The following MTHFD1L variants were observed in gnomAD, a reference collection of about 807,000 sequenced individuals.
MTHFD1L encodes the protein methylenetetrahydrofolate dehydrogenase (NADP+ dependent) 1 like, also known as monofunctional C1-tetrahydrofolate synthase, mitochondrial.
MTHFD1L carries 81 observed loss-of-function variants against 119.5 expected under a neutral mutation model. The ratio of observed to expected loss-of-function variants is 0.68; its 90% CI spans 0.57 to 0.82. The LOEUF is 0.82. Ranked by LOEUF, MTHFD1L falls within the 40% of genes least tolerant of loss-of-function variation. MTHFD1L has a pLI of 0.00. For missense variants in MTHFD1L, 1,125 were observed against 1,253.4 expected (o/e 0.90, Z 1.55); for synonymous variants, 430 against 475.2 (o/e 0.90, Z 1.24).
chr6:150,979,009 G>A (rs1368817243), intron 20 of MTHFD1L, among the ~76,000 whole-genome samples: 2 of 152,182 alleles, frequency 1.3e-5, no homozygotes, highest in African/African-American at 4.8e-5. Flanking sequence ...GGAGGCCGAG[G>A]TGGGTGGATC....
At chr6:150,995,280 C>T (rs1291315100) in intron 20 of MTHFD1L, among the ~76,000 whole-genome samples, 1 of 152,016 alleles carries the variant, frequency 6.6e-6, no homozygotes, top group African/African-American at 2.4e-5. Flanking sequence ...TTTGGGAGGC[C>T]GAGGCAGGCA....
At chr6:150,910,086 C>T (rs1433873640) in intron 8 of MTHFD1L, among the ~76,000 whole-genome samples, 1 of 151,814 alleles carries the variant, frequency 6.6e-6, no homozygotes, top group Non-Finnish European at 1.5e-5. Context: ...GAGGCTGGGG[C>T]AGGAGAATCG....
intron 5 of MTHFD1L, among the ~76,000 whole-genome samples, chr6:150,884,131 C>A (rs1407805683): frequency 6.6e-6 from 1 of 150,612 alleles, no homozygotes; most frequent in African/African-American, 2.4e-5. Context: ...CATAGTGAGA[C>A]CTCATCTCTA....
intron 26 of MTHFD1L, among the ~76,000 whole-genome samples, chr6:151,070,234 T>C (rs1791811642): frequency 6.6e-6 from 1 of 152,212 alleles, no homozygotes; most frequent in Admixed American, 6.5e-5. Flanking sequence ...TACTATAAAG[T>C]ACTATAATTT....
Position 150,955,921 on chromosome 6 carries a change from C to G in MTHFD1L, c.1727-74C>G, listed in dbSNP as rs1795572685. Reference sequence around the variant, plus strand: ...TCACCCTCTGCAACTTCCTGAGCATCAGAACAATGCCAGACACACACCAGG... The same window carrying G: ...TCACCCTCTGCAACTTCCTGAGCATGAGAACAATGCCAGACACACACCAGG... On this transcript the variant is annotated intron_variant, in intron 16 of 27. Transcript: ENST00000367321. The G allele has an allele frequency of 3.0e-6, 4 of 1,324,800 alleles. No individual in the cohort carries two copies. The South Asian group carries it at 3.6e-5, about 12-fold the overall frequency. 82.1% of individuals were successfully genotyped at this position (1,324,800 alleles called of 1,614,324 possible). A position where few individuals can be genotyped will look rare whatever the true frequency, so the allele number is the denominator to read the frequency against.
intron 13 of MTHFD1L, among the ~76,000 whole-genome samples, chr6:150,940,572 C>A (rs1227228286): frequency 2.7e-5 from 4 of 150,008 alleles, no homozygotes; most frequent in African/African-American, 7.4e-5. Context: ...GAGAGAGCTA[C>A]TTTTATTTTA....
intron 26 of MTHFD1L, among the ~76,000 whole-genome samples, chr6:151,058,249 G>GT (rs763724289): frequency 2.1e-4 from 32 of 152,232 alleles, no homozygotes; most frequent in Non-Finnish European, 4.1e-4. Context: ...AGAAAGAGGA[G>GT]TATCTAGTAC....
At chr6:150,923,770 G>T (rs1789476480) in intron 10 of MTHFD1L, among the ~76,000 whole-genome samples, 2 of 151,548 alleles carry the variant, frequency 1.3e-5, no homozygotes, top group Admixed American at 1.3e-4. Context: ...CACTAGGAGG[G>T]TGTGACCCTC....
chr6:150,945,460 T>G lies in MTHFD1L; in HGVS notation c.1549-7T>G, dbSNP rs1180199592. 3 of 1,610,060 alleles carry G rather than the reference T, an allele frequency of 1.9e-6. No individual in the cohort carries two copies. In the African/African-American group the frequency reaches 4.0e-5, roughly 22 times the overall value. On this transcript the variant is annotated splice_polypyrimidine_tract_variant and splice_region_variant and intron_variant, in intron 14 of 27. Coordinates refer to ENST00000367321, the MANE Select transcript of MTHFD1L (RefSeq NM_015440.5). The stretch of plus-strand genomic sequence containing the variant: ...TGTGTGGTCTCATTTTTGTTTTGTG[T>G]TTTTAGGCTCTGTATAATCGGCTGG...
intron 24 of MTHFD1L, among the ~76,000 whole-genome samples, chr6:151,025,024 C>G (rs1350914198): frequency 2.0e-5 from 3 of 152,196 alleles, no homozygotes; most frequent in Non-Finnish European, 4.4e-5. Context: ...CATTGCTACA[C>G]TATTCTATTT....
chr6:151,016,041 C>T (rs899606761), intron 24 of MTHFD1L, among the ~76,000 whole-genome samples: 4 of 152,118 alleles, frequency 2.6e-5, no homozygotes, highest in African/African-American at 7.2e-5. Context: ...GAGCCAAGAT[C>T]GAGATCACAC....
chr6:150,972,085 G>A, intron 20 of MTHFD1L, 27 bp downstream of exon 20: 2 of 1,581,530 alleles, frequency 1.3e-6, no homozygotes, highest in Non-Finnish European at 8.7e-7. Context: ...AAATTTAGTT[G>A]TTGTAGAATA....
rs1798078839 is a variant in MTHFD1L at position 150,972,193 on chromosome 6, A to G, written c.2125+135A>G. ...ACCCTCTTTCATAGAGGGTCTCAAT[A>G]ATGGAAAAGCCCTAAGGTCTGGTCT... On this transcript the variant is annotated intron_variant, in intron 20 of 27. Coordinates refer to ENST00000367321, the MANE Select transcript of MTHFD1L (RefSeq NM_015440.5). The G allele has an allele frequency of 1.3e-5, 10 of 745,552 alleles. No homozygotes were observed. The South Asian group carries it at 1.7e-4, about 12-fold the overall frequency. 46.2% of individuals were successfully genotyped at this position (745,552 alleles called of 1,614,324 possible).
At chr6:150,905,178 C>A (rs1241697647) in intron 7 of MTHFD1L, among the ~76,000 whole-genome samples, 2 of 151,384 alleles carry the variant, frequency 1.3e-5, no homozygotes, top group Non-Finnish European at 2.9e-5. Flanking sequence ...AGATTACAGG[C>A]CCCCACCAGC....
intron 11 of MTHFD1L, among the ~76,000 whole-genome samples, chr6:150,928,106 G>A (rs1306066049): frequency 6.6e-6 from 1 of 152,062 alleles, no homozygotes; most frequent in Non-Finnish European, 1.5e-5. Flanking sequence ...CCGGAAGTGA[G>A]TTCAATTATT....
intron 24 of MTHFD1L, chr6:151,021,903 G>C (rs919698019): frequency 2.5e-6 from 1 of 397,744 alleles, no homozygotes; most frequent in Non-Finnish European, 5.5e-6. Flanking sequence ...TAAATGAGGA[G>C]TTAAGGTTGA....
At chr6:151,007,217 C>G (rs1305091975) in intron 20 of MTHFD1L, among the ~76,000 whole-genome samples, 1 of 151,872 alleles carries the variant, frequency 6.6e-6, no homozygotes, top group African/African-American at 2.4e-5. Flanking sequence ...TCCATCACCC[C>G]CTCTCTCCAA....
rs770345180 is a variant in MTHFD1L at position 150,905,708 on chromosome 6, C to T, written c.839C>T (p.Thr280Ile). Residue 280 changes from threonine (T) to isoleucine (I), a missense_variant, in exon 8 of 28, where the codon ACT (threonine) becomes ATT (isoleucine). Around this residue, in one of 3 missense-constraint regions of MTHFD1L, gnomAD observed 1,058 missense variants for 1,151.2 expected, o/e 0.92. Transcript: ENST00000367321. The stretch of plus-strand genomic sequence containing the variant: ...CCTAAGCCAGAAGAGATTCCCCTTA[C>T]TTGGATACAACCAGGAACTACTGTT... ...GSPKPEEIPL[T>I]WIQPGTTVLN... is the part of the protein sequence containing the mutation. 4.3e-6 allele frequency: 7 copies of T among 1,614,176 alleles called. No homozygotes were observed. Among genetic ancestry groups the T allele is most frequent in the Non-Finnish European group, 5.9e-6 (7 of 1,180,024 alleles).
At chr6:150,937,042 G>A (rs1352196994) in intron 12 of MTHFD1L, 102 bp downstream of exon 12, 2 of 1,405,062 alleles carry the variant, frequency 1.4e-6, no homozygotes, top group African/African-American at 1.4e-5. Context: ...CTTTTCAGGG[G>A]ACTTGGTACA....
Sources: allele counts gnomAD v4.1 joint callset (sites outside exome capture counted in the v4.1 genomes callset), GRCh38; gene constraint gnomAD v4.1.1; regional missense constraint gnomAD v4.1.1; transcripts MANE v1.5; gene names NCBI Gene and HGNC (gene_info 2026-07-23, HGNC 2026-07-21).